PPP2R3A: variants seen among roughly 807,000 people sequenced by gnomAD.
PPP2R3A encodes the protein protein phosphatase 2 regulatory subunit B''alpha, also known as serine/threonine-protein phosphatase 2A regulatory subunit B'' subunit alpha.
PPP2R3A carries 80 observed loss-of-function variants against 106.9 expected under a neutral mutation model. The ratio of observed to expected loss-of-function variants is 0.75; its 90% CI spans 0.62 to 0.90. The LOEUF (loss-of-function observed/expected upper bound fraction) is 0.90. Among genes scored for constraint, PPP2R3A ranks in the 40% least tolerant of loss-of-function variants. The probability of loss-of-function intolerance (pLI) is 0.00; values close to 1 mark genes in which losing one functional copy is unlikely to be tolerated. For synonymous variants in PPP2R3A, 483 were observed against 468.3 expected (o/e 1.03, Z -0.41); for missense variants, 1,386 against 1,350.4 (o/e 1.03, Z -0.41).
At chr3:136,096,978 C>A (rs896305426) in intron 10 of PPP2R3A, among the ~76,000 whole-genome samples, 22 of 152,196 alleles carry the variant, frequency 1.4e-4, no homozygotes, top group African/African-American at 4.3e-4. Flanking sequence ...CACACACACA[C>A]AAAAAATGTA....
At chr3:135,972,808 T>G (rs1576402131) in intron 1 of PPP2R3A, among the ~76,000 whole-genome samples, 1 of 152,222 alleles carries the variant, frequency 6.6e-6, no homozygotes, top group East Asian at 1.9e-4. Context: ...GTCTTTTGGT[T>G]GTTGAGTTTA....
chr3:136,103,288 G>A lies in PPP2R3A; in HGVS notation c.3134G>A (p.Cys1045Tyr), dbSNP rs748668898. ...GKITLRDLKR[C>Y]RMAHIFYDTF... ...ATAACTCTAAGAGATCTGAAGAGGT[G>A]CAGAATGGCTCACATCTTCTATGAC... Residue 1045 changes from cysteine to tyrosine, a missense_variant, in exon 12 of 14, where the codon TGC (cysteine) becomes TAC (tyrosine). Physicochemically the swap from Cys to Tyr is radical, Grantham distance 194. Transcript: ENST00000264977. 39 of 1,608,492 alleles carry A rather than the reference G, an allele frequency of 2.4e-5. No homozygotes were observed. In the Admixed American group the frequency reaches 5.0e-4, roughly 21 times the overall value.
At position 136,109,561 on chromosome 3, in the gene PPP2R3A, A is replaced by G. The variant is rs61299058; in HGVS notation, c.3329+3239A>G. Among the ~76,000 whole-genome samples, 1,506 of 152,324 alleles carry G rather than the reference A, an allele frequency of 9.9e-3. 14 individuals are homozygous for G. The highest frequency in any genetic ancestry group is 0.035 in the African/African-American group (1,446 of 41,582). On this transcript the variant is annotated intron_variant, in intron 13 of 13. Transcript: ENST00000264977. ...TGAAGACACAGTAAAGTATTCCCTT[A>G]AGATAGATAAAAATACCTTTGTGGT...
At chr3:136,130,276 C>T (rs920161713) in intron 13 of PPP2R3A, among the ~76,000 whole-genome samples, 2 of 152,194 alleles carry the variant, frequency 1.3e-5, no homozygotes, top group Non-Finnish European at 2.9e-5. Context: ...CCCATCGTCT[C>T]AGCCAAAAAT....
At chr3:136,069,637 G>A (rs1936366823) in intron 5 of PPP2R3A, among the ~76,000 whole-genome samples, 1 of 152,088 alleles carries the variant, frequency 6.6e-6, no homozygotes, top group African/African-American at 2.4e-5. Context: ...AAAGAAATAA[G>A]TCCATTGGTT....
rs558802863 is a variant in PPP2R3A, at chr3:136,083,511, A to G, written c.2788+1090A>G. Among the ~76,000 whole-genome samples, 22 of 152,246 alleles carry G rather than the reference A, an allele frequency of 1.4e-4. 2 individuals are homozygous for G. The South Asian group carries it at 4.4e-3, about 30-fold the overall frequency. On this transcript the variant is annotated intron_variant, in intron 8 of 13. Transcript: ENST00000264977. ...ACTATGAGTCCATTAAACTCTTCCC[A>G]TTATAAATTACCCAGTCTCAGGTAT...
chr3:136,104,822 G>C (rs1451968479), intron 12 of PPP2R3A, among the ~76,000 whole-genome samples: 1 of 152,096 alleles, frequency 6.6e-6, no homozygotes, highest in Admixed American at 6.6e-5. Flanking sequence ...GTTCGGCTTG[G>C]AAAGACATTT....
intron 7 of PPP2R3A, among the ~76,000 whole-genome samples, chr3:136,081,635 CT>C (rs1936784328): frequency 6.6e-6 from 1 of 152,020 alleles, no homozygotes; most frequent in African/African-American, 2.4e-5. Flanking sequence ...TATCTGCCCA[CT>C]TACATAATAA....
chr3:136,032,781 G>A (rs1238600149), intron 3 of PPP2R3A, among the ~76,000 whole-genome samples: 8 of 152,054 alleles, frequency 5.3e-5, no homozygotes, highest in African/African-American at 1.7e-4. Context: ...TGATCTGCCC[G>A]CCTCGGCCTT....
At chr3:136,084,321 C>G (rs1057247954) in intron 8 of PPP2R3A, among the ~76,000 whole-genome samples, 3 of 152,328 alleles carry the variant, frequency 2.0e-5, no homozygotes, top group Admixed American at 1.3e-4. Context: ...AATGCAAACC[C>G]CAGCCCTTGG....
At chr3:135,991,148 C>T (rs925607065) in intron 1 of PPP2R3A, among the ~76,000 whole-genome samples, 1 of 152,112 alleles carries the variant, frequency 6.6e-6, no homozygotes, top group African/African-American at 2.4e-5. Flanking sequence ...GGTTATGTAT[C>T]CACTGTCCTG....
chr3:136,086,481 C>A (rs1222913178), intron 8 of PPP2R3A, among the ~76,000 whole-genome samples: 1 of 152,098 alleles, frequency 6.6e-6, no homozygotes, highest in Non-Finnish European at 1.5e-5. Context: ...GAAGGGGCCA[C>A]TGAATACTCC....
At chr3:136,129,582 A>G (rs953937536) in intron 13 of PPP2R3A, among the ~76,000 whole-genome samples, 3 of 152,240 alleles carry the variant, frequency 2.0e-5, no homozygotes, top group Non-Finnish European at 2.9e-5. Context: ...AAATTCTACC[A>G]GAGGTACAAA....
At chr3:136,079,406 ATTT>A (rs199806582) in intron 7 of PPP2R3A, 1,926 of 156,552 alleles carry the variant, frequency 0.012, 22 homozygotes, top group African/African-American at 0.039. Context: ...ATAATCCATA[ATTT>A]TTTTTTTTTT....
chr3:136,076,993 A>AGT (rs60088044), intron 6 of PPP2R3A, among the ~76,000 whole-genome samples: 5,802 of 151,910 alleles, frequency 0.038, 331 homozygotes, highest in African/African-American at 0.13. Context: ...CTGGAATACA[A>AGT]GTCAAGAAAG....
intron 1 of PPP2R3A, among the ~76,000 whole-genome samples, chr3:135,972,028 A>G (rs984294974): frequency 1.1e-4 from 17 of 152,154 alleles, no homozygotes; most frequent in Non-Finnish European, 1.9e-4. Flanking sequence ...CAGTTACTTC[A>G]GTATGTACAT....
At position 136,102,200 on chromosome 3, in the gene PPP2R3A, G is replaced by A. The variant is rs114802938; in HGVS notation, c.3103+18G>A. On this transcript the variant is annotated intron_variant, in intron 11 of 13. Coordinates refer to ENST00000264977, the MANE Select transcript of PPP2R3A (RefSeq NM_002718.5). ...TGTTGATGGTGAGACCAAGCAATGG[G>A]ACAGATGCACTGTTCACCTATGTAT... 1,917 of 1,611,614 alleles carry A rather than the reference G, an allele frequency of 1.2e-3. 26 individuals carry two copies. In the African/African-American group the frequency reaches 0.024, roughly 20 times the overall value.
rs564283593 is a variant in PPP2R3A, at chr3:136,019,978, T to A, written c.1996-6854T>A. On this transcript the variant is annotated intron_variant, in intron 2 of 13. Coordinates refer to ENST00000264977, the MANE Select transcript of PPP2R3A (RefSeq NM_002718.5). ...TGAAATGAAAATATTTCTTGTCCTT[T>A]GCTCCAAACCAACATTGTGCTAGAA... Among the ~76,000 whole-genome samples, 4 of 152,292 alleles carry A rather than the reference T, an allele frequency of 2.6e-5. No individual in the cohort carries two copies. The East Asian group carries it at 7.7e-4, about 29-fold the overall frequency.
At chr3:136,079,745 C>T (rs1465427949) in intron 7 of PPP2R3A, among the ~76,000 whole-genome samples, 1 of 149,326 alleles carries the variant, frequency 6.7e-6, no homozygotes, top group Non-Finnish European at 1.5e-5. Flanking sequence ...TAAAATTAAT[C>T]CTTTTTTTTT....
Sources: allele counts gnomAD v4.1 joint callset (sites outside exome capture counted in the v4.1 genomes callset), GRCh38; gene constraint gnomAD v4.1.1; transcripts MANE v1.5; gene names NCBI Gene and HGNC (gene_info 2026-07-23, HGNC 2026-07-21).